Variants in EBF3 observed in about 807,000 individuals in gnomAD.
EBF3 encodes the protein transcription factor COE3.
In EBF3, 18 loss-of-function variants were observed where a neutral mutation model predicts 77.1. That is an observed-to-expected ratio of 0.23 (90% CI 0.16 to 0.35). The LOEUF is 0.35. EBF3 is among the 10% of genes least tolerant of loss of function. The pLI, the probability that EBF3 is intolerant of heterozygous loss-of-function variation, is 1.00. For synonymous variants in EBF3, 350 were observed against 343.5 expected, an observed-to-expected ratio of 1.02 and a Z score of -0.21; for missense variants, 558 against 860.0, an observed-to-expected ratio of 0.65 and a Z score of 4.39.
intron 6 of EBF3, among the ~76,000 whole-genome samples, chr10:129,948,259 C>CCAAAAAAA (rs1491368743): frequency 2.2e-5 from 1 of 45,754 alleles, no homozygotes; most frequent in African/African-American, 9.4e-5. Context: ...AACTCCGTCT[C>CCAAAAAAA]AAAAAAAAAA....
chr10:129,854,825 G>C (rs1194492335), intron 10 of EBF3, among the ~76,000 whole-genome samples: 1 of 152,250 alleles, frequency 6.6e-6, no homozygotes, highest in African/African-American at 2.4e-5. Context: ...GGTGAGCCAG[G>C]CATTGTGGTG....
At chr10:129,915,405 C>T (rs1386822674) in intron 6 of EBF3, among the ~76,000 whole-genome samples, 1 of 152,134 alleles carries the variant, frequency 6.6e-6, no homozygotes, top group South Asian at 2.1e-4. Flanking sequence ...AACACAAAAA[C>T]ACTTTCTCCA....
At chr10:129,941,990 T>C (rs1267917098) in intron 6 of EBF3, among the ~76,000 whole-genome samples, 2 of 152,102 alleles carry the variant, frequency 1.3e-5, no homozygotes, top group Non-Finnish European at 2.9e-5. Context: ...TCCTTGGGAA[T>C]GGAGCCCCCC....
chr10:129,957,232 T>C (rs200227730), intron 6 of EBF3, 26 bp downstream of exon 6: 3 of 1,577,052 alleles, frequency 1.9e-6, no homozygotes, highest in Non-Finnish European at 2.6e-6. Flanking sequence ...CGGTTTTGTT[T>C]TGAAAAATAA....
Position 129,947,135 on chromosome 10 carries a change from G to A in EBF3, c.554+10123C>T, listed in dbSNP as rs114406347. 0.011 allele frequency among the ~76,000 whole-genome samples: 1,630 copies of A among 152,334 alleles called. 32 individuals carry two copies. Among genetic ancestry groups the A allele is most frequent in the African/African-American group, 0.038 (1,570 of 41,564 alleles). On this transcript the variant is annotated intron_variant, in intron 6 of 16. Transcript: ENST00000440978. This position sits in a 1 kb window ranked among gnomAD's most constrained non-coding sequence, Gnocchi z 4.5. The stretch of plus-strand genomic sequence containing the variant: ...GACGAGCCGCTTCATTGAGAAAATG[G>A]AAATGGACAGGGAGCTCCCTTTGGC...
At position 129,841,997 on chromosome 10, in the gene EBF3, G is replaced by A; in HGVS notation, c.1372+119C>T. 1 of 1,324,074 alleles carries A rather than the reference G, an allele frequency of 7.6e-7. No individual in the cohort carries two copies. The highest frequency in any genetic ancestry group is 1.0e-6 in the Non-Finnish European group (1 of 961,536). 82.0% of individuals were successfully genotyped at this position (1,324,074 alleles called of 1,614,324 possible). On this transcript the variant is annotated intron_variant, in intron 13 of 16. Coordinates refer to ENST00000440978, the MANE Select transcript of EBF3 (RefSeq NM_001375380.1). This position sits in a 1 kb window ranked among gnomAD's most constrained non-coding sequence, Gnocchi z 4.6. The stretch of plus-strand genomic sequence containing the variant: ...GAGCAAAGGAACCAGCAGAGCCAGA[G>A]AGAACAGAACGCTACGGACATTCCC...
Position 129,900,754 on chromosome 10 carries a change from A to C in EBF3, c.555-22905T>G, listed in dbSNP as rs1005654427. 4.5e-4 allele frequency among the ~76,000 whole-genome samples: 68 copies of C among 152,244 alleles called. 1 individual carries two copies. The highest frequency in any genetic ancestry group is 1.5e-3 in the African/African-American group (63 of 41,476). On this transcript the variant is annotated intron_variant, in intron 6 of 16. Transcript: ENST00000440978. ...AGCACCGTAGCGGGGGTGCTCCTGAACTTCTGCATACAGATTTCTTGGCTT... is the reference window on the plus strand; with the variant it reads ...AGCACCGTAGCGGGGGTGCTCCTGACCTTCTGCATACAGATTTCTTGGCTT...
chr10:129,849,221 G>T (rs1164005962), intron 10 of EBF3, among the ~76,000 whole-genome samples: 1 of 152,226 alleles, frequency 6.6e-6, no homozygotes, highest in Non-Finnish European at 1.5e-5. Context: ...GGAGCCATCG[G>T]GCTTTATTAT....
rs1858301768 is a variant in EBF3, at chr10:129,947,292, T to C, written c.554+9966A>G. Reference sequence around the variant, plus strand: ...GTGGGTGTGAATTCATACTTAACCATAAAAACCCTTGCATTACTCTGTCTC... The same window carrying C: ...GTGGGTGTGAATTCATACTTAACCACAAAAACCCTTGCATTACTCTGTCTC... On this transcript the variant is annotated intron_variant, in intron 6 of 16. Transcript: ENST00000440978. The surrounding 1 kb of genome is among the most constrained non-coding windows in gnomAD (Gnocchi z 4.5). Among the ~76,000 whole-genome samples, 1 of 152,218 alleles carries C rather than the reference T, an allele frequency of 6.6e-6. No individual in the cohort carries two copies. The highest frequency in any genetic ancestry group is 1.9e-4 in the East Asian group (1 of 5,196).
chr10:129,877,481 C>CAA (rs10541156), intron 7 of EBF3, among the ~76,000 whole-genome samples: 48 of 77,206 alleles, frequency 6.2e-4, no homozygotes, highest in East Asian at 1.3e-3. Context: ...ACTCTGTCTC[C>CAA]AAAAAAAAAA....
At chr10:129,918,593 CCT>C (rs1256615794) in intron 6 of EBF3, among the ~76,000 whole-genome samples, 3 of 152,210 alleles carry the variant, frequency 2.0e-5, no homozygotes, top group Non-Finnish European at 4.4e-5. Context: ...CAGACGGAAC[CCT>C]GTGTGTTCGC....
chr10:129,838,066 T>A, intron 16 of EBF3, 106 bp from the exon 17 acceptor site: 1 of 1,393,946 alleles, frequency 7.2e-7, no homozygotes, highest in East Asian at 2.3e-5. Flanking sequence ...ACTGGGAGGC[T>A]GGTCTTGCAC....
chr10:129,908,477 G>A (rs1026871623), intron 6 of EBF3, among the ~76,000 whole-genome samples: 1 of 152,210 alleles, frequency 6.6e-6, no homozygotes, highest in Non-Finnish European at 1.5e-5. Context: ...TATTGGATTA[G>A]GGCGAATACA....
chr10:129,847,424 T>C (rs1850550316), intron 11 of EBF3, among the ~76,000 whole-genome samples: 1 of 152,208 alleles, frequency 6.6e-6, no homozygotes, highest in Non-Finnish European at 1.5e-5. Context: ...TGCTCTGCAT[T>C]TGAAAAACAT....
intron 6 of EBF3, among the ~76,000 whole-genome samples, chr10:129,932,941 G>A (rs1006954073): frequency 1.4e-5 from 2 of 145,782 alleles, no homozygotes; most frequent in Admixed American, 7.0e-5. Flanking sequence ...GTGTAGCAGC[G>A]GGGCTGGGAT....
At chr10:129,856,398 T>C (rs1244990347) in intron 10 of EBF3, among the ~76,000 whole-genome samples, 1 of 152,132 alleles carries the variant, frequency 6.6e-6, no homozygotes, top group Non-Finnish European at 1.5e-5. Context: ...TACTCAGCCA[T>C]GTACAGGAGC....
intron 6 of EBF3, among the ~76,000 whole-genome samples, chr10:129,906,489 G>A (rs1343949320): frequency 3.3e-5 from 5 of 152,178 alleles, no homozygotes; most frequent in Admixed American, 6.5e-5. Flanking sequence ...GCTCTGTTTG[G>A]ACCCTCAGGT....
At chr10:129,874,960 C>G (rs1193457984) in intron 7 of EBF3, among the ~76,000 whole-genome samples, 3 of 152,052 alleles carry the variant, frequency 2.0e-5, no homozygotes, top group Admixed American at 1.3e-4. Context: ...GATCTCTGTA[C>G]TTTCTGCGAA....
intron 10 of EBF3, among the ~76,000 whole-genome samples, chr10:129,862,893 T>C (rs1183595105): frequency 6.6e-6 from 1 of 152,216 alleles, no homozygotes; most frequent in East Asian, 1.9e-4. Context: ...CTGCCCAATT[T>C]GTGTATACTG....
Sources: allele counts gnomAD v4.1 joint callset (sites outside exome capture counted in the v4.1 genomes callset), GRCh38; gene constraint gnomAD v4.1.1; non-coding constraint Gnocchi (gnomAD v3.1); transcripts MANE v1.5; gene names NCBI Gene and HGNC (gene_info 2026-07-23, HGNC 2026-07-21).